Variants in NRXN1 observed in about 807,000 individuals in gnomAD.
NRXN1 encodes the protein neurexin-1.
Under a neutral mutation model 150.9 loss-of-function variants are expected in NRXN1, and 39 were observed. That is an observed-to-expected ratio of 0.26 (90% confidence interval 0.20 to 0.34). NRXN1 has a LOEUF of 0.34. Ranked by LOEUF, NRXN1 falls within the 10% of genes least tolerant of loss-of-function variation. The pLI, the probability that NRXN1 is intolerant of heterozygous loss-of-function variation, is 1.00. For synonymous variants in NRXN1, 924 were observed against 757.0 expected, an observed-to-expected ratio of 1.22 and a Z score of -3.62; for missense variants, 1,815 against 1,949.9, an observed-to-expected ratio of 0.93 and a Z score of 1.30.
intron 17 of NRXN1, among the ~76,000 whole-genome samples, chr2:50,429,705 G>T (rs919716700): frequency 6.6e-5 from 10 of 151,956 alleles, no homozygotes; most frequent in African/African-American, 1.7e-4. Flanking sequence ...CCATAATTTT[G>T]TATGTATTAC....
At chr2:50,121,788 C>T (rs181388603) in intron 18 of NRXN1, among the ~76,000 whole-genome samples, 3 of 152,200 alleles carry the variant, frequency 2.0e-5, no homozygotes, top group East Asian at 1.9e-4. Context: ...TAAGGATTAG[C>T]GAGATTGAAT....
chr2:50,531,540 T>C, intron 10 of NRXN1, 110 bp from the exon 11 acceptor site: 2 of 790,930 alleles, frequency 2.5e-6, no homozygotes, highest in Non-Finnish European at 4.0e-6. Flanking sequence ...CAGAACACAA[T>C]ACTACAAAAT....
chr2:50,189,929 CTT>C (rs1437184984), intron 18 of NRXN1, among the ~76,000 whole-genome samples: 1 of 152,162 alleles, frequency 6.6e-6, no homozygotes. Context: ...TTCTGATTGA[CTT>C]TTCTACATTT....
At chr2:50,977,693 T>C (rs2104845797) in intron 2 of NRXN1, among the ~76,000 whole-genome samples, 1 of 152,020 alleles carries the variant, frequency 6.6e-6, no homozygotes, top group South Asian at 2.1e-4. Flanking sequence ...GAGTATGGAA[T>C]TTATCTAAGT....
intron 5 of NRXN1, among the ~76,000 whole-genome samples, chr2:50,630,059 G>A (rs1043933470): frequency 6.6e-6 from 1 of 151,586 alleles, no homozygotes; most frequent in Admixed American, 6.6e-5. Context: ...TTGCCACACA[G>A]TTGGAGGAAA....
intron 5 of NRXN1, among the ~76,000 whole-genome samples, chr2:50,805,300 A>T (rs1667368652): frequency 6.6e-6 from 1 of 152,192 alleles, no homozygotes. Flanking sequence ...ATATAAGGTT[A>T]CTTCTATGAA....
Position 51,023,090 on chromosome 2 carries a change from G to T in NRXN1, c.772+4412C>A, listed in dbSNP as rs78989127. Among the ~76,000 whole-genome samples the T allele has an allele frequency of 7.0e-3, 1,066 of 152,274 alleles. 7 individuals carry two copies. Among genetic ancestry groups the T allele is most frequent in the African/African-American group, 0.024 (1,005 of 41,562 alleles). ...CTTTAACTTCCTTCAAGAAAGAATTGTATTTTTCCCCTAGTTTAATCTACA... is the reference window on the plus strand; with the variant it reads ...CTTTAACTTCCTTCAAGAAAGAATTTTATTTTTCCCCTAGTTTAATCTACA... On this transcript the variant is annotated intron_variant, in intron 2 of 22. Transcript: ENST00000401669.
intron 5 of NRXN1, among the ~76,000 whole-genome samples, chr2:50,896,940 T>C (rs1682061189): frequency 6.6e-6 from 1 of 152,154 alleles, no homozygotes; most frequent in Admixed American, 6.5e-5. Context: ...AAAGAGGCAC[T>C]ACAGCCAGCG....
At chr2:50,004,498 C>T (rs1357293348) in intron 21 of NRXN1, among the ~76,000 whole-genome samples, 1 of 152,106 alleles carries the variant, frequency 6.6e-6, no homozygotes, top group Non-Finnish European at 1.5e-5. Flanking sequence ...AGTCTTCTCC[C>T]TACTGCTAAT....
At chr2:50,608,413 G>C (rs1350125922) in intron 8 of NRXN1, among the ~76,000 whole-genome samples, 1 of 152,098 alleles carries the variant, frequency 6.6e-6, no homozygotes, top group African/African-American at 2.4e-5. Flanking sequence ...AAGCTCTTAG[G>C]TGATGCACAT....
intron 5 of NRXN1, among the ~76,000 whole-genome samples, chr2:50,664,889 T>C (rs533843754): frequency 1.8e-4 from 28 of 152,044 alleles, no homozygotes; most frequent in African/African-American, 5.8e-4. Flanking sequence ...TACTTCTTAA[T>C]AAAAGGCATA....
chr2:50,357,041 C>T lies in NRXN1; in HGVS notation c.3364+108401G>A, dbSNP rs1227362858. Among the ~76,000 whole-genome samples, 6 of 152,002 alleles carry T rather than the reference C, an allele frequency of 3.9e-5. No homozygotes were observed. In the East Asian group the frequency reaches 5.8e-4, roughly 15 times the overall value. ...CCTGAAATCTTAGCACTTTGGAAGG[C>T]GAAGACAGAAGGATCACTGGAGACT... On this transcript the variant is annotated intron_variant, in intron 17 of 22. Coordinates refer to ENST00000401669, the MANE Select transcript of NRXN1 (RefSeq NM_001330078.2).
intron 21 of NRXN1, among the ~76,000 whole-genome samples, chr2:50,037,518 G>A (rs1690224376): frequency 6.6e-6 from 1 of 151,980 alleles, no homozygotes; most frequent in African/African-American, 2.4e-5. Context: ...ATAAATAGAG[G>A]GTTATGAAGT....
At chr2:49,935,179 A>C (rs1204951516) in intron 22 of NRXN1, among the ~76,000 whole-genome samples, 1 of 152,194 alleles carries the variant, frequency 6.6e-6, no homozygotes, top group Admixed American at 6.5e-5. Context: ...CAGCAATGTC[A>C]TGAGTATTGA....
chr2:50,925,833 T>A, intron 3 of NRXN1, 105 bp downstream of exon 3: 1 of 853,570 alleles, frequency 1.2e-6, no homozygotes, highest in Non-Finnish European at 1.9e-6. Context: ...CCAACAAATG[T>A]TCAGAAAGAA....
intron 18 of NRXN1, among the ~76,000 whole-genome samples, chr2:50,231,733 C>A (rs2064961956): frequency 6.6e-6 from 1 of 152,050 alleles, no homozygotes; most frequent in South Asian, 2.1e-4. Context: ...GTAGTGAATG[C>A]ATCCAGATTT....
intron 2 of NRXN1, chr2:51,026,550 T>C: frequency 1.1e-6 from 1 of 926,586 alleles, no homozygotes. Flanking sequence ...ACCACAGAAA[T>C]TACAACTTGG....
chr2:50,587,111 G>A (rs1177023415), intron 8 of NRXN1, among the ~76,000 whole-genome samples: 1 of 152,302 alleles, frequency 6.6e-6, no homozygotes, highest in East Asian at 1.9e-4. Flanking sequence ...TGGTGTGTCT[G>A]GCTGTAACAG....
intron 18 of NRXN1, among the ~76,000 whole-genome samples, chr2:50,173,820 T>C (rs1271884358): frequency 6.6e-6 from 1 of 152,196 alleles, no homozygotes; most frequent in Non-Finnish European, 1.5e-5. Context: ...AAAAAGGTCA[T>C]GTAACAAGTA....
Sources: gnomAD v4.1 joint callset for allele counts (sites outside exome capture counted in the v4.1 genomes callset) on GRCh38, gnomAD v4.1.1 for gene constraint, MANE v1.5 for transcripts, NCBI Gene and HGNC (gene_info 2026-07-23, HGNC 2026-07-21) for gene names.